Variants in LRFN2 observed in about 807,000 individuals in gnomAD.
The protein encoded by LRFN2 is leucine-rich repeat and fibronectin type-III domain-containing protein 2.
In LRFN2, 18 loss-of-function variants were observed where a neutral mutation model predicts 37.3. The ratio of observed to expected loss-of-function variants is 0.48; its 90% CI spans 0.33 to 0.72. The LOEUF (loss-of-function observed/expected upper bound fraction) is 0.72, where lower values mean the gene tolerates loss of function less well. Among genes scored for constraint, LRFN2 ranks in the 30% least tolerant of loss-of-function variants. The probability of loss-of-function intolerance (pLI) is 0.02; values close to 1 mark genes in which losing one functional copy is unlikely to be tolerated. For missense variants in LRFN2, 1,006 were observed against 1,060.7 expected (o/e 0.95, Z 0.72); for synonymous variants, 556 against 466.6 (o/e 1.19, Z -2.47).
At chr6:40,457,750 T>A (rs2113847770) in intron 1 of LRFN2, among the ~76,000 whole-genome samples, 1 of 152,058 alleles carries the variant, frequency 6.6e-6, no homozygotes, top group Admixed American at 6.5e-5. Flanking sequence ...GTGTGGTAGA[T>A]GTGATGAATG....
At chr6:40,484,384 T>C (rs1367617732) in intron 1 of LRFN2, among the ~76,000 whole-genome samples, 1 of 152,268 alleles carries the variant, frequency 6.6e-6, no homozygotes, top group African/African-American at 2.4e-5. Flanking sequence ...CAATGGATCC[T>C]GCCCCCACCC....
chr6:40,432,353 C>T lies in LRFN2; in HGVS notation c.761G>A (p.Arg254Gln), dbSNP rs1370199799. ...CAGGTCATCGTCCCGCTCGAGCCTC[C>T]GCAGCCAGAGAAGCTCACAATTGCA... ...LHCNCELLWL[R>Q]RLERDDDLET... The change falls in exon 2 of 3, where the codon CGG becomes CAG. Residue 254 changes from arginine (R) to glutamine (Q), a missense_variant. By Grantham distance (43) the Arg-to-Gln change is conservative. Transcript: ENST00000338305. The T allele has an allele frequency of 1.5e-5, 24 of 1,614,026 alleles. No homozygotes were observed. Among genetic ancestry groups the T allele is most frequent in the Non-Finnish European group, 1.9e-5 (23 of 1,180,052 alleles).
intron 1 of LRFN2, among the ~76,000 whole-genome samples, chr6:40,475,199 T>C (rs1022046425): frequency 2.0e-5 from 3 of 152,208 alleles, no homozygotes; most frequent in African/African-American, 7.2e-5. Flanking sequence ...CCTATGTGTT[T>C]GACCAACTGA....
intron 1 of LRFN2, among the ~76,000 whole-genome samples, chr6:40,519,132 C>A (rs1442779026): frequency 6.6e-6 from 1 of 152,170 alleles, no homozygotes; most frequent in African/African-American, 2.4e-5. Flanking sequence ...CAGTGTTCAC[C>A]ATAGATTATC....
At chr6:40,418,084 C>T (rs1036604011) in intron 2 of LRFN2, among the ~76,000 whole-genome samples, 4 of 152,172 alleles carry the variant, frequency 2.6e-5, no homozygotes, top group Admixed American at 2.0e-4. Context: ...CTCATCATGG[C>T]CAGCAAGGGC....
chr6:40,539,591 T>C (rs1311256144), intron 1 of LRFN2, among the ~76,000 whole-genome samples: 3 of 152,148 alleles, frequency 2.0e-5, no homozygotes, highest in African/African-American at 7.2e-5. Flanking sequence ...CCTCAGGAAC[T>C]GTCATTCAAG....
intron 2 of LRFN2, among the ~76,000 whole-genome samples, chr6:40,405,591 C>A (rs1313906144): frequency 6.6e-6 from 1 of 152,122 alleles, no homozygotes; most frequent in Non-Finnish European, 1.5e-5. Flanking sequence ...TGGTGGAAAT[C>A]CAGGCCTCAG....
At chr6:40,420,101 C>T (rs986581345) in intron 2 of LRFN2, among the ~76,000 whole-genome samples, 4 of 152,220 alleles carry the variant, frequency 2.6e-5, no homozygotes, top group Non-Finnish European at 4.4e-5. Context: ...GCCCCACAGC[C>T]GCAGAGCACA....
intron 1 of LRFN2, among the ~76,000 whole-genome samples, chr6:40,507,754 T>A (rs552244373): frequency 2.0e-5 from 3 of 152,214 alleles, no homozygotes; most frequent in Admixed American, 1.3e-4. Context: ...GTTTTGATCA[T>A]GCCTCTTGTA....
At chr6:40,577,298 C>T (rs1038415991) in intron 1 of LRFN2, among the ~76,000 whole-genome samples, 2 of 151,946 alleles carry the variant, frequency 1.3e-5, no homozygotes, top group African/African-American at 4.8e-5. Context: ...GACGGAGTTT[C>T]ACCATGTTGC....
rs776145223 is a variant in LRFN2, at chr6:40,392,890, C to T, written c.1423G>A (p.Ala475Thr). The change falls in exon 3 of 3, where the codon GCC (alanine) becomes ACC (threonine). Residue 475 changes from alanine to threonine, a missense_variant. By Grantham distance (58) the Ala-to-Thr change is moderately conservative. Around this residue, in one of 4 missense-constraint regions of LRFN2, gnomAD observed 120 missense variants for 178.4 expected, o/e 0.67. Transcript: ENST00000338305. This position sits in a 1 kb window ranked among gnomAD's most constrained non-coding sequence, Gnocchi z 4.7. ...IYRMIPASNK[A>T]FVVNNLVSGT... Reference sequence around the variant, plus strand: ...GACACCAGGTTGTTGACCACGAAGGCCTTGTTGGAGGCTGGGATCATCCTG... The same window carrying T: ...GACACCAGGTTGTTGACCACGAAGGTCTTGTTGGAGGCTGGGATCATCCTG... 8 of 1,610,664 alleles carry T rather than the reference C, an allele frequency of 5.0e-6. No homozygotes were observed. Among genetic ancestry groups the T allele is most frequent in the Admixed American group, 1.7e-5 (1 of 59,828 alleles).
chr6:40,491,541 T>C (rs1469177408), intron 1 of LRFN2, among the ~76,000 whole-genome samples: 2 of 144,950 alleles, frequency 1.4e-5, no homozygotes, highest in African/African-American at 5.3e-5. Context: ...TGACTGTGGG[T>C]AGGTAGGCAG....
intron 2 of LRFN2, among the ~76,000 whole-genome samples, chr6:40,430,255 C>CACA (rs1363078538): frequency 6.6e-6 from 1 of 152,186 alleles, no homozygotes; most frequent in East Asian, 1.9e-4. Context: ...CTACGGTTTC[C>CACA]ACAACATACC....
intron 1 of LRFN2, among the ~76,000 whole-genome samples, chr6:40,534,247 G>C (rs1412416503): frequency 6.6e-6 from 1 of 152,198 alleles, no homozygotes; most frequent in Non-Finnish European, 1.5e-5. Context: ...CTCTCACTGT[G>C]AGATGGGCTC....
chr6:40,505,993 G>C (rs1428397845), intron 1 of LRFN2, among the ~76,000 whole-genome samples: 4 of 152,236 alleles, frequency 2.6e-5, no homozygotes, highest in Non-Finnish European at 5.9e-5. Flanking sequence ...CAATATTCAG[G>C]ATCCTGCAGG....
chr6:40,432,885 C>T lies in LRFN2; in HGVS notation c.229G>A (p.Gly77Arg), dbSNP rs990301768. 1.1e-5 allele frequency: 18 copies of T among 1,614,210 alleles called. No individual in the cohort carries two copies. The highest frequency in any genetic ancestry group is 1.5e-5 in the Non-Finnish European group (18 of 1,180,046). Residue 77 changes from glycine to arginine, a missense_variant, in exon 2 of 3, where the codon GGG becomes AGG. By Grantham distance (125) the Gly-to-Arg change is moderately radical (BLOSUM62 -2). Transcript: ENST00000338305. The part of the protein sequence containing the change: ...ISRQDFANMT[G>R]LVDLTLSRNT... Reference sequence around the variant, plus strand: ...CTGGACAGGGTCAGGTCCACCAGCCCCGTCATGTTGGCAAAGTCCTGGCGG... The same window carrying T: ...CTGGACAGGGTCAGGTCCACCAGCCTCGTCATGTTGGCAAAGTCCTGGCGG...
intron 1 of LRFN2, among the ~76,000 whole-genome samples, chr6:40,440,893 C>T (rs954905404): frequency 2.0e-5 from 3 of 152,308 alleles, no homozygotes; most frequent in Non-Finnish European, 1.5e-5. Context: ...AAATAAACTA[C>T]TTACACTCAA....
chr6:40,449,446 G>A (rs895741298), intron 1 of LRFN2, among the ~76,000 whole-genome samples: 2 of 152,220 alleles, frequency 1.3e-5, no homozygotes, highest in Admixed American at 1.3e-4. Flanking sequence ...AGGGTTGTGA[G>A]TAAATGTCTA....
intron 1 of LRFN2, among the ~76,000 whole-genome samples, chr6:40,482,939 C>T (rs1442187472): frequency 6.6e-6 from 1 of 152,240 alleles, no homozygotes; most frequent in Non-Finnish European, 1.5e-5. Flanking sequence ...CACGCCACTG[C>T]CAGCTCCCTG....
Sources: gnomAD v4.1 joint callset for allele counts (sites outside exome capture counted in the v4.1 genomes callset) on GRCh38, gnomAD v4.1.1 for gene constraint, gnomAD v4.1.1 regional missense constraint, Gnocchi (gnomAD v3.1) non-coding constraint, MANE v1.5 for transcripts, NCBI Gene and HGNC (gene_info 2026-07-23, HGNC 2026-07-21) for gene names.